Variants in RPE observed in about 807,000 individuals in gnomAD.
RPE encodes ribulose-phosphate 3-epimerase.
Under a neutral mutation model 24.6 loss-of-function variants are expected in RPE, and 16 were observed. The ratio of observed to expected loss-of-function variants is 0.65; its 90% confidence interval spans 0.44 to 0.99. The LOEUF is 0.99. Ranked by LOEUF, RPE falls within the 50% of genes least tolerant of loss-of-function variation. The pLI is 0.00. For synonymous variants in RPE, 93 were observed against 98.4 expected, an observed-to-expected ratio of 0.94 and a Z score of 0.33; for missense variants, 240 against 294.5, an observed-to-expected ratio of 0.81 and a Z score of 1.35.
intron 1 of RPE, chr2:210,003,294 A>C (rs2093587356): frequency 2.7e-6 from 1 of 369,062 alleles, no homozygotes; most frequent in South Asian, 2.4e-5. Context: ...GGAACTACTA[A>C]CAGAACCTAC....
intron 5 of RPE, 179 bp downstream of exon 5, chr2:210,017,738 T>A: frequency 3.3e-6 from 2 of 610,256 alleles, no homozygotes; most frequent in Non-Finnish European, 2.8e-6. Context: ...ATATGCTTTT[T>A]TTTTTTTTTT....
intron 2 of RPE, among the ~76,000 whole-genome samples, chr2:210,012,066 C>T (rs192989460): frequency 4.6e-5 from 7 of 152,166 alleles, no homozygotes; most frequent in Non-Finnish European, 1.0e-4. Flanking sequence ...TATTCTAGGA[C>T]CTAGATTACA....
intron 5 of RPE, 69 bp from the exon 6 acceptor site, chr2:210,019,600 C>A (rs138641895): frequency 6.4e-7 from 1 of 1,565,822 alleles, no homozygotes; most frequent in Non-Finnish European, 8.7e-7. Flanking sequence ...ACACTCTAGT[C>A]CAGGAATTCT....
At chr2:210,004,247 T>G (rs2093601065) in intron 1 of RPE, among the ~76,000 whole-genome samples, 1 of 152,196 alleles carries the variant, frequency 6.6e-6, no homozygotes, top group Admixed American at 6.5e-5. Context: ...AAGTTAATGG[T>G]TGGGGAAAGT....
chr2:210,006,029 A>G lies in RPE; in HGVS notation c.122+3246A>G, dbSNP rs527444387. ...TTGTATCCTTGTATTACAAAAAATTATAGTGTAATTCCAGTAAGTCCCTGG... is the reference window on the plus strand; with the variant it reads ...TTGTATCCTTGTATTACAAAAAATTGTAGTGTAATTCCAGTAAGTCCCTGG... On this transcript the variant is annotated intron_variant, in intron 1 of 5. Coordinates refer to ENST00000359429, the MANE Select transcript of RPE (RefSeq NM_199229.3). Among the ~76,000 whole-genome samples, 7 of 152,316 alleles carry G rather than the reference A, an allele frequency of 4.6e-5. No homozygotes were observed. In the East Asian group the frequency reaches 1.2e-3, roughly 25 times the overall value.
chr2:210,003,481 T>A (rs1370729229), intron 1 of RPE: 2 of 1,283,560 alleles, frequency 1.6e-6, no homozygotes, highest in African/African-American at 3.0e-5. Flanking sequence ...AAGTAATTTT[T>A]AAGCACCGTA....
intron 5 of RPE, chr2:210,018,612 T>C (rs2093812223): frequency 1.0e-6 from 1 of 985,324 alleles, no homozygotes; most frequent in African/African-American, 1.7e-5. Context: ...CAGGAGGGGC[T>C]GGCCAGATGA....
chr2:210,003,019 C>G (rs550688154), intron 1 of RPE, among the ~76,000 whole-genome samples: 12 of 152,312 alleles, frequency 7.9e-5, no homozygotes, highest in Admixed American at 7.2e-4. Context: ...CCCCACGTAA[C>G]GTGTGGTCTT....
At chr2:210,009,114 A>G (rs2093668308) in intron 1 of RPE, among the ~76,000 whole-genome samples, 1 of 152,250 alleles carries the variant, frequency 6.6e-6, no homozygotes, top group South Asian at 2.1e-4. Flanking sequence ...GCTGTCGTGA[A>G]GATGAAATGA....
Position 210,019,920 on chromosome 2 carries a change from T to G in RPE, c.*129T>G. On this transcript the variant is annotated 3_prime_UTR_variant, in exon 6 of 6. Coordinates refer to ENST00000359429, the MANE Select transcript of RPE (RefSeq NM_199229.3). ...TTGAGCAGTTATTCATTCCAGTGAT[T>G]AAAACTGATTGTGCAGAATATTCTA... 8.1e-7 allele frequency: 1 copy of G among 1,233,890 alleles called. No individual in the cohort carries two copies. Among genetic ancestry groups the G allele is most frequent in the Non-Finnish European group, 1.1e-6 (1 of 910,072 alleles). The allele number at this position is 1,233,890 out of a possible 1,614,324, so 76.4% of individuals were successfully genotyped here.
chr2:210,017,434 C>T, intron 4 of RPE, 39 bp from the exon 5 acceptor site: 1 of 1,296,666 alleles, frequency 7.7e-7, no homozygotes, highest in Non-Finnish European at 1.1e-6. Flanking sequence ...CCAACATACC[C>T]ACTTTAGGAG....
At position 210,007,577 on chromosome 2, in the gene RPE, A is replaced by G. The variant is rs549314668; in HGVS notation, c.123-2080A>G. Among the ~76,000 whole-genome samples the G allele has an allele frequency of 3.3e-5, 5 of 152,208 alleles. No homozygotes were observed. The East Asian group carries it at 5.8e-4, about 18-fold the overall frequency. On this transcript the variant is annotated intron_variant, in intron 1 of 5. Coordinates refer to ENST00000359429, the MANE Select transcript of RPE (RefSeq NM_199229.3). ...TTTTTACACTAGCCAAAGTTGGTCA[A>G]TACCACTCTCCACGTCTTTGACTGT...
chr2:210,009,112 G>T (rs1189429237), intron 1 of RPE, among the ~76,000 whole-genome samples: 2 of 152,228 alleles, frequency 1.3e-5, no homozygotes, highest in African/African-American at 2.4e-5. Context: ...AGGCTGTCGT[G>T]AAGATGAAAT....
chr2:210,009,617 A>G, intron 1 of RPE, 40 bp from the exon 2 acceptor site: 2 of 1,613,038 alleles, frequency 1.2e-6, no homozygotes, highest in South Asian at 1.1e-5. Flanking sequence ...CAGAAACTGA[A>G]TTGAAAACAT....
At position 210,020,010 on chromosome 2, in the gene RPE, G is replaced by A; in HGVS notation, c.*219G>A. The stretch of plus-strand genomic sequence containing the variant: ...ATGCAATTTATTGATTAGTGAGTAA[G>A]ATACTGTTTTTATTGAGAGATTTGA... On this transcript the variant is annotated 3_prime_UTR_variant, in exon 6 of 6. Transcript: ENST00000359429. The A allele has an allele frequency of 2.4e-6, 1 of 414,682 alleles. No homozygotes were observed. Among genetic ancestry groups the A allele is most frequent in the East Asian group, 4.5e-5 (1 of 22,348 alleles). The allele number at this position is 414,682 out of a possible 1,614,324, so 25.7% of individuals were successfully genotyped here. A position where few individuals can be genotyped will look rare whatever the true frequency, so the allele number is the denominator to read the frequency against.
At position 210,006,981 on chromosome 2, in the gene RPE, C is replaced by G. The variant is rs183155109; in HGVS notation, c.123-2676C>G. 3.9e-5 allele frequency among the ~76,000 whole-genome samples: 6 copies of G among 152,310 alleles called. No individual in the cohort carries two copies. In the East Asian group the frequency reaches 1.2e-3, roughly 29 times the overall value. Reference sequence around the variant, plus strand: ...GAATCTCTTCTCCGCTAGACTTTTTCCCCTTGTTTGTTTCGTTTGTTGTCA... The same window carrying G: ...GAATCTCTTCTCCGCTAGACTTTTTGCCCTTGTTTGTTTCGTTTGTTGTCA... On this transcript the variant is annotated intron_variant, in intron 1 of 5. Coordinates refer to ENST00000359429, the MANE Select transcript of RPE (RefSeq NM_199229.3).
intron 1 of RPE, among the ~76,000 whole-genome samples, chr2:210,006,716 T>C (rs1238280027): frequency 1.3e-5 from 2 of 152,244 alleles, no homozygotes; most frequent in African/African-American, 2.4e-5. Flanking sequence ...AATTCCAGAA[T>C]TGTAAAACAT....
Position 210,016,628 on chromosome 2 carries a change from A to T in RPE, c.464A>T (p.Asp155Val), listed in dbSNP as rs201632661. Residue 155 changes from aspartate to valine, a missense_variant, in exon 4 of 6, where the codon GAT (aspartate) becomes GTT (valine). Transcript: ENST00000359429. Reference sequence around the variant, plus strand: ...TTTGGAGGGCAGAAATTCATGGAAGATATGATGCCAAAGGTAAAAGAAGTA... The same window carrying T: ...TTTGGAGGGCAGAAATTCATGGAAGTTATGATGCCAAAGGTAAAAGAAGTA... Reference protein sequence around the residue: ...PGFGGQKFMEDMMPKVHWLRT... With the variant: ...PGFGGQKFMEVMMPKVHWLRT... The T allele has an allele frequency of 3.9e-5, 63 of 1,614,234 alleles. 1 individual carries two copies. The South Asian group carries it at 6.7e-4, about 17-fold the overall frequency.
chr2:210,003,168 C>G (rs1170677799), intron 1 of RPE, among the ~76,000 whole-genome samples: 1 of 152,220 alleles, frequency 6.6e-6, no homozygotes, highest in African/African-American at 2.4e-5. Flanking sequence ...GGGAAACAGA[C>G]TTCTCTAACG....
Sources: allele counts gnomAD v4.1 joint callset (sites outside exome capture counted in the v4.1 genomes callset), GRCh38; gene constraint gnomAD v4.1.1; transcripts MANE v1.5; gene names NCBI Gene and HGNC (gene_info 2026-07-23, HGNC 2026-07-21).